Variants in PRP4K observed in about 807,000 individuals in gnomAD.
PRP4K encodes the protein serine/threonine-protein kinase PRP4 homolog.
the PRP4K span, chr6:4,062,821 T>C: frequency 5.9e-5 from 9 of 152,638 alleles, no homozygotes; most frequent in Non-Finnish European, 8.8e-5. This position sits in a 1 kb window ranked among gnomAD's most constrained non-coding sequence, Gnocchi z 4.2. Flanking sequence ...GTGCAGCTAT[T>C]CTACCTTAAT....
the PRP4K span, chr6:4,040,773 G>C: frequency 3.1e-6 from 5 of 1,612,820 alleles, no homozygotes; most frequent in South Asian, 5.5e-5. Context: ...TTTAAATAGG[G>C]ACAGAGGTCG....
the PRP4K span, among the ~76,000 whole-genome samples, chr6:4,037,956 G>A: frequency 1.3e-5 from 2 of 151,352 alleles, no homozygotes; most frequent in South Asian, 4.2e-4. Context: ...GATAGTTACT[G>A]TAGACTTAGG....
the PRP4K span, among the ~76,000 whole-genome samples, chr6:4,043,468 T>C: frequency 6.6e-6 from 1 of 151,950 alleles, no homozygotes; most frequent in African/African-American, 2.4e-5. Flanking sequence ...ATCAGTGGGG[T>C]CTGCAGCAGA....
the PRP4K span, among the ~76,000 whole-genome samples, chr6:4,044,861 TTA>T: frequency 2.2e-3 from 219 of 100,998 alleles, 1 homozygote; most frequent in African/African-American, 6.4e-3. Flanking sequence ...ATTATTATTA[TTA>T]TTTTTTTTTT....
At chr6:4,030,710 G>A in the PRP4K span, among the ~76,000 whole-genome samples, 1 of 152,158 alleles carries the variant, frequency 6.6e-6, no homozygotes, top group Non-Finnish European at 1.5e-5. Flanking sequence ...GTTCTCATTT[G>A]AAATTCAGAG....
the PRP4K span, among the ~76,000 whole-genome samples, chr6:4,026,937 C>T: frequency 2.6e-5 from 4 of 152,154 alleles, no homozygotes; most frequent in African/African-American, 9.7e-5. Context: ...CTGGGGAAAG[C>T]ATTCCTGGCA....
chr6:4,059,998 T>C, the PRP4K span, among the ~76,000 whole-genome samples: 1 of 152,216 alleles, frequency 6.6e-6, no homozygotes, highest in East Asian at 1.9e-4. Context: ...TTTAAAAAGA[T>C]GTACAGCATA....
At chr6:4,038,197 A>G in the PRP4K span, among the ~76,000 whole-genome samples, 3 of 152,234 alleles carry the variant, frequency 2.0e-5, no homozygotes, top group African/African-American at 7.2e-5. Flanking sequence ...TATTATAGCC[A>G]TCTTTACATA....
the PRP4K span, among the ~76,000 whole-genome samples, chr6:4,058,428 T>C: frequency 6.6e-6 from 1 of 152,214 alleles, no homozygotes; most frequent in African/African-American, 2.4e-5. Context: ...TAGGAAGAAA[T>C]AATTTAAAGT....
At chr6:4,037,965 G>A in the PRP4K span, among the ~76,000 whole-genome samples, 2 of 151,452 alleles carry the variant, frequency 1.3e-5, no homozygotes, top group Non-Finnish European at 2.9e-5. Context: ...TGTAGACTTA[G>A]GCAAAGGCCT....
the PRP4K span, chr6:4,059,012 T>C: frequency 2.0e-6 from 1 of 494,158 alleles, no homozygotes. Flanking sequence ...GCATAATTAA[T>C]TTATTTTTAT....
the PRP4K span, among the ~76,000 whole-genome samples, chr6:4,023,633 A>C: frequency 6.6e-6 from 1 of 152,216 alleles, no homozygotes; most frequent in African/African-American, 2.4e-5. Context: ...CTGATTTGGC[A>C]AAGCAGAGAC....
At chr6:4,037,538 T>C in the PRP4K span, 1 of 1,613,914 alleles carries the variant, frequency 6.2e-7, no homozygotes, top group Non-Finnish European at 8.5e-7. Flanking sequence ...GTAGCAGGTC[T>C]CCAAGAAGAA....
the PRP4K span, among the ~76,000 whole-genome samples, chr6:4,043,042 G>A: frequency 6.6e-6 from 1 of 152,184 alleles, no homozygotes; most frequent in African/African-American, 2.4e-5. Flanking sequence ...AAGATTGGGT[G>A]GGGAAAGAAT....
chr6:4,052,617 C>T, the PRP4K span: 26 of 902,106 alleles, frequency 2.9e-5, no homozygotes, highest in African/African-American at 5.1e-5. Context: ...TTTTATTTTG[C>T]GCTTGATTTT....
the PRP4K span, among the ~76,000 whole-genome samples, chr6:4,034,502 TTTCTAC>T: frequency 1.3e-5 from 2 of 152,278 alleles, no homozygotes; most frequent in East Asian, 3.9e-4. Context: ...GTTAGGTCAA[TTTCTAC>T]TTCTACTTCT....
chr6:4,058,890 A>G, the PRP4K span: 1 of 987,340 alleles, frequency 1.0e-6, no homozygotes, highest in African/African-American at 1.7e-5. Flanking sequence ...CTGGTGAATT[A>G]AAAAAAAAAC....
the PRP4K span, chr6:4,031,858 C>T: frequency 6.2e-7 from 1 of 1,613,986 alleles, no homozygotes; most frequent in Non-Finnish European, 8.5e-7. Flanking sequence ...AAACAGAGAG[C>T]CTTGATTAAG....
chr6:4,032,832 T>A, the PRP4K span: 2 of 1,360,238 alleles, frequency 1.5e-6, no homozygotes, highest in East Asian at 5.2e-5. Context: ...TTGTGGACCA[T>A]TAAAAATGAA....
Sources: gnomAD v4.1 joint callset for allele counts (sites outside exome capture counted in the v4.1 genomes callset) on GRCh38, gnomAD v4.1.1 for gene constraint, Gnocchi (gnomAD v3.1) non-coding constraint, MANE v1.5 for transcripts, NCBI Gene and HGNC (gene_info 2026-07-23, HGNC 2026-07-21) for gene names.